The following SENP1 variants were observed in gnomAD, a reference collection of about 807,000 sequenced individuals.
SENP1 encodes SUMO specific peptidase 1.
SENP1 carries 21 observed loss-of-function variants against 93.0 expected under a neutral mutation model. The ratio of observed to expected loss-of-function variants is 0.23; its 90% CI spans 0.16 to 0.33. The LOEUF (loss-of-function observed/expected upper bound fraction) is 0.33. Ranked by LOEUF, SENP1 falls within the 10% of genes least tolerant of loss-of-function variation. The pLI, the probability that SENP1 is intolerant of heterozygous loss-of-function variation, is 1.00. For missense variants in SENP1, 591 were observed against 758.7 expected, an observed-to-expected ratio of 0.78 and a Z score of 2.60; for synonymous variants, 256 against 259.6, an observed-to-expected ratio of 0.99 and a Z score of 0.13.
At chr12:48,049,652 G>T (rs541161473) in intron 13 of SENP1, among the ~76,000 whole-genome samples, 1 of 152,272 alleles carries the variant, frequency 6.6e-6, no homozygotes, top group South Asian at 2.1e-4. Context: ...CTGCTCCATG[G>T]TTAAAGACTG....
intron 9 of SENP1, among the ~76,000 whole-genome samples, chr12:48,070,761 G>C (rs1943634451): frequency 6.6e-6 from 1 of 152,150 alleles, no homozygotes; most frequent in African/African-American, 2.4e-5. Flanking sequence ...CATGAATTCT[G>C]AAAGATCACT....
At chr12:48,067,047 C>A in intron 9 of SENP1, 82 bp from the exon 10 acceptor site, 2 of 932,594 alleles carry the variant, frequency 2.1e-6, no homozygotes, top group South Asian at 3.0e-5. Context: ...TAAAAACAAT[C>A]ATTTAAATTG....
Position 48,061,081 on chromosome 12 carries a change from A to G in SENP1, c.1407+2629T>C, listed in dbSNP as rs1027015071. Among the ~76,000 whole-genome samples, 7 of 152,322 alleles carry G rather than the reference A, an allele frequency of 4.6e-5. No individual in the cohort carries two copies. The East Asian group carries it at 1.3e-3, about 29-fold the overall frequency. ...TCTTCTTTTAGGAACAGGGTATCCT[A>G]ATGGCTTTCCATACATATCCCAAAC... On this transcript the variant is annotated intron_variant, in intron 13 of 17. Coordinates refer to ENST00000549518, the MANE Select transcript of SENP1 (RefSeq NM_001267594.2).
chr12:48,057,938 CCT>C (rs869154671), intron 13 of SENP1, among the ~76,000 whole-genome samples: 3 of 117,944 alleles, frequency 2.5e-5, no homozygotes, highest in Non-Finnish European at 3.3e-5. Context: ...CATTTTATTT[CCT>C]CTTTTTTTTT....
chr12:48,086,669 T>C (rs542065703), intron 5 of SENP1, among the ~76,000 whole-genome samples: 1 of 152,128 alleles, frequency 6.6e-6, no homozygotes, highest in East Asian at 1.9e-4. Context: ...TTTGACAAAA[T>C]AATGATACCA....
Position 48,044,744 on chromosome 12 carries a change from G to C in SENP1, c.*578C>G, listed in dbSNP as rs1212115600. Reference sequence around the variant, plus strand: ...TATAAAAGCAGATGGATTTTGTATAGGGACATATAAATAGGAAAGGTCCTG... The same window carrying C: ...TATAAAAGCAGATGGATTTTGTATACGGACATATAAATAGGAAAGGTCCTG... On this transcript the variant is annotated 3_prime_UTR_variant, in exon 18 of 18. Coordinates refer to ENST00000549518, the MANE Select transcript of SENP1 (RefSeq NM_001267594.2). 6.5e-6 allele frequency: 1 copy of C among 154,070 alleles called. No individual in the cohort carries two copies. Among genetic ancestry groups the C allele is most frequent in the African/African-American group, 2.4e-5 (1 of 41,418 alleles). The allele number at this position is 154,070 out of a possible 1,614,324, so 9.5% of individuals were successfully genotyped here.
Position 48,069,922 on chromosome 12 carries a change from ATTACTC to A in SENP1, c.995+1739_995+1744del, listed in dbSNP as rs1283664338. Among the ~76,000 whole-genome samples the A allele has an allele frequency of 3.3e-5, 5 of 152,234 alleles. No individual in the cohort carries two copies. In the East Asian group the frequency reaches 7.7e-4, roughly 23 times the overall value. Reference sequence around the variant, plus strand: ...GAACTGAGATGAGAAAGAATATTTCATTACTCTTAATCTTCTCAACGGAAAACTGAT... The same window carrying A: ...GAACTGAGATGAGAAAGAATATTTCATTAATCTTCTCAACGGAAAACTGAT... On this transcript the variant is annotated intron_variant, in intron 9 of 17. Coordinates refer to ENST00000549518, the MANE Select transcript of SENP1 (RefSeq NM_001267594.2).
chr12:48,103,897 G>T (rs1192663149), intron 1 of SENP1, among the ~76,000 whole-genome samples: 1 of 152,030 alleles, frequency 6.6e-6, no homozygotes, highest in African/African-American at 2.4e-5. Flanking sequence ...CAATGTCTAG[G>T]GCTGCAAGGA....
chr12:48,078,955 C>T (rs1220059977), intron 6 of SENP1, among the ~76,000 whole-genome samples: 3 of 152,160 alleles, frequency 2.0e-5, no homozygotes, highest in East Asian at 3.9e-4. Context: ...TTGAGACCAG[C>T]CTGGGCAACA....
intron 8 of SENP1, among the ~76,000 whole-genome samples, chr12:48,072,195 A>C: frequency 6.6e-6 from 1 of 152,220 alleles, no homozygotes; most frequent in East Asian, 1.9e-4. Flanking sequence ...ATGTGATAAA[A>C]ATCTCTATCC....
At chr12:48,086,800 G>A (rs1161110265) in intron 5 of SENP1, among the ~76,000 whole-genome samples, 1 of 152,152 alleles carries the variant, frequency 6.6e-6, no homozygotes, top group Admixed American at 6.6e-5. Context: ...GAAGGGATCG[G>A]GAGGCCAAGG....
At chr12:48,090,649 T>TAC (rs1945164468) in intron 4 of SENP1, among the ~76,000 whole-genome samples, 1 of 152,128 alleles carries the variant, frequency 6.6e-6, no homozygotes, top group Non-Finnish European at 1.5e-5. Flanking sequence ...CAGGCTGGAG[T>TAC]GTAGTGGCAC....
chr12:48,054,249 C>T (rs1465330957), intron 13 of SENP1, among the ~76,000 whole-genome samples: 2 of 152,158 alleles, frequency 1.3e-5, no homozygotes, highest in Non-Finnish European at 2.9e-5. Flanking sequence ...TCTATTTCTC[C>T]TTTCAGTTCT....
In SENP1 at chr12:48,045,000, A is replaced by C; in HGVS notation, c.*322T>G. 3.0e-6 allele frequency: 1 copy of C among 332,872 alleles called. No individual in the cohort carries two copies. Among genetic ancestry groups the C allele is most frequent in the Non-Finnish European group, 5.6e-6 (1 of 180,038 alleles). The allele number at this position is 332,872 out of a possible 1,614,324, so 20.6% of individuals were successfully genotyped here. A position where few individuals can be genotyped will look rare whatever the true frequency, so the allele number is the denominator to read the frequency against. On this transcript the variant is annotated 3_prime_UTR_variant, in exon 18 of 18. Coordinates refer to ENST00000549518, the MANE Select transcript of SENP1 (RefSeq NM_001267594.2). ...CCAAGATTCTTTCCAAGCTTTTCTC[A>C]GTCCCATAATTAGGGACTGAGTGAG...
chr12:48,083,856 C>A, intron 5 of SENP1, 94 bp from the exon 6 acceptor site: 2 of 817,608 alleles, frequency 2.4e-6, no homozygotes, highest in South Asian at 1.9e-5. Context: ...ATAAAACCAA[C>A]CAAACAAAAC....
chr12:48,047,461 G>A (rs1240551651), intron 15 of SENP1, among the ~76,000 whole-genome samples: 3 of 152,158 alleles, frequency 2.0e-5, no homozygotes, highest in Non-Finnish European at 4.4e-5. Flanking sequence ...TGTTAGGCTT[G>A]GCTCTCCTAT....
intron 13 of SENP1, among the ~76,000 whole-genome samples, chr12:48,062,167 C>CAAAGTACCATACTTTG (rs1943000801): frequency 6.6e-6 from 1 of 152,122 alleles, no homozygotes; most frequent in Non-Finnish European, 1.5e-5. Context: ...TTGCTGCCCT[C>CAAAGTACCATACTTTG]TAGGAGGTTT....
At chr12:48,087,185 T>C (rs1424786752) in intron 5 of SENP1, among the ~76,000 whole-genome samples, 2 of 152,116 alleles carry the variant, frequency 1.3e-5, no homozygotes, top group African/African-American at 4.8e-5. Context: ...AATTTAAATA[T>C]GACTTAGGGT....
chr12:48,063,609 G>A (rs997565781), intron 13 of SENP1, 101 bp downstream of exon 13: 6 of 1,169,688 alleles, frequency 5.1e-6, no homozygotes, highest in Middle Eastern at 2.7e-4. Context: ...TTCCAATGCA[G>A]GTCATCCATG....
Sources: allele counts gnomAD v4.1 joint callset (sites outside exome capture counted in the v4.1 genomes callset), GRCh38; gene constraint gnomAD v4.1.1; transcripts MANE v1.5; gene names NCBI Gene and HGNC (gene_info 2026-07-23, HGNC 2026-07-21).